Variants in ZNF385D observed in about 807,000 individuals in gnomAD.
ZNF385D encodes zinc finger protein 659.
In ZNF385D, 15 loss-of-function variants were observed where a neutral mutation model predicts 35.8. The observed-to-expected ratio is 0.42, with a 90% CI of 0.28 to 0.64. ZNF385D has a LOEUF of 0.64. ZNF385D is among the 30% of genes least tolerant of loss of function. ZNF385D has a pLI of 0.23. For synonymous variants in ZNF385D, 212 were observed against 186.8 expected, an observed-to-expected ratio of 1.13 and a Z score of -1.10; for missense variants, 474 against 494.6, an observed-to-expected ratio of 0.96 and a Z score of 0.39.
At chr3:21,932,486 A>C (rs1343552543) in intron 3 of ZNF385D, among the ~76,000 whole-genome samples, 2 of 151,962 alleles carry the variant, frequency 1.3e-5, no homozygotes, top group Admixed American at 1.3e-4. Flanking sequence ...ATCCCTCTAC[A>C]GAGCTTTTGA....
intron 3 of ZNF385D, among the ~76,000 whole-genome samples, chr3:21,918,240 A>G (rs1252804550): frequency 6.6e-6 from 1 of 152,220 alleles, no homozygotes; most frequent in Non-Finnish European, 1.5e-5. Context: ...CAGACAGTGG[A>G]TGAGTCTTAG....
chr3:22,250,854 T>C (rs1319026411), intron 2 of ZNF385D, among the ~76,000 whole-genome samples: 1 of 152,056 alleles, frequency 6.6e-6, no homozygotes, highest in African/African-American at 2.4e-5. Flanking sequence ...TAAATCCCTC[T>C]TGTCAAAAAT....
intron 3 of ZNF385D, among the ~76,000 whole-genome samples, chr3:21,791,168 C>T (rs989022056): frequency 6.6e-6 from 1 of 152,154 alleles, no homozygotes; most frequent in Non-Finnish European, 1.5e-5. Flanking sequence ...TGCATGTTTT[C>T]TGTCCTTTTC....
chr3:22,042,675 A>G lies in ZNF385D; in HGVS notation c.325+126142T>C, dbSNP rs530915140. On this transcript the variant is annotated intron_variant, in intron 3 of 5. Coordinates refer to the ZNF385D transcript ENST00000494108. ...CTTCTCTTCCAAGTTGCACTCCTCT[A>G]AAGGATCAAAAGTCTGAGTCTTCTC... 2.0e-4 allele frequency among the ~76,000 whole-genome samples: 30 copies of G among 152,268 alleles called. No individual in the cohort carries two copies. In the South Asian group the frequency reaches 6.2e-3, roughly 32 times the overall value.
chr3:22,000,889 A>G (rs1272282053), intron 3 of ZNF385D, among the ~76,000 whole-genome samples: 1 of 135,256 alleles, frequency 7.4e-6, no homozygotes, highest in Non-Finnish European at 1.5e-5. Flanking sequence ...GTCCTACAAG[A>G]AATATTTAAG....
At chr3:21,835,217 GA>G (rs149579941) in intron 3 of ZNF385D, among the ~76,000 whole-genome samples, 37,211 of 150,804 alleles carry the variant, frequency 0.25, 4,948 homozygotes, top group Admixed American at 0.3. Context: ...AAGAAGGAAA[GA>G]AAAAAACTAG....
In ZNF385D at chr3:21,726,616, A is replaced by G. The variant is rs532586741; in HGVS notation, c.22+24279T>C. Among the ~76,000 whole-genome samples, 81 of 152,332 alleles carry G rather than the reference A, an allele frequency of 5.3e-4. 1 individual carries two copies. The highest frequency in any genetic ancestry group is 1.0e-3 in the South Asian group (5 of 4,832). ...AAAATACCTAGGAATACGACTTACA[A>G]GGGATACGAAGGACCTCTTCAAGAA... is the stretch of plus-strand genomic sequence containing the variant. On this transcript the variant is annotated intron_variant, in intron 1 of 7. Transcript: ENST00000281523.
chr3:22,035,180 A>C (rs1698240766), intron 3 of ZNF385D, among the ~76,000 whole-genome samples: 1 of 152,220 alleles, frequency 6.6e-6, no homozygotes, highest in Admixed American at 6.5e-5. Flanking sequence ...TGTATCATTT[A>C]GTTTGATCGC....
At chr3:21,480,483 A>C (rs758809950) in intron 4 of ZNF385D, among the ~76,000 whole-genome samples, 1 of 152,034 alleles carries the variant, frequency 6.6e-6, no homozygotes, top group Non-Finnish European at 1.5e-5. Context: ...ATTTGGCAGT[A>C]AGGGTAAGGC....
At chr3:21,758,545 C>A (rs1437870202) in intron 3 of ZNF385D, among the ~76,000 whole-genome samples, 3 of 152,052 alleles carry the variant, frequency 2.0e-5, no homozygotes, top group Non-Finnish European at 4.4e-5. Flanking sequence ...GGTGAGGAAC[C>A]TAATATGGGA....
chr3:21,795,209 G>C (rs1015596698), intron 3 of ZNF385D, among the ~76,000 whole-genome samples: 34 of 152,212 alleles, frequency 2.2e-4, no homozygotes, highest in Admixed American at 2.0e-4. Flanking sequence ...CAGTGTGAAT[G>C]GAAAAGCCAT....
chr3:22,256,471 G>C (rs1221302367), intron 2 of ZNF385D, among the ~76,000 whole-genome samples: 1 of 151,572 alleles, frequency 6.6e-6, no homozygotes, highest in Non-Finnish European at 1.5e-5. Flanking sequence ...CCTGCCTACA[G>C]AGTCATCTTT....
At chr3:21,686,428 A>G (rs1320173882) in intron 1 of ZNF385D, among the ~76,000 whole-genome samples, 1 of 152,246 alleles carries the variant, frequency 6.6e-6, no homozygotes, top group East Asian at 1.9e-4. Context: ...ATCAGTGTAT[A>G]GAGCAATACT....
chr3:21,864,274 C>T (rs1697214072), intron 3 of ZNF385D, among the ~76,000 whole-genome samples: 1 of 152,116 alleles, frequency 6.6e-6, no homozygotes, highest in Non-Finnish European at 1.5e-5. Flanking sequence ...AGTCTGATAG[C>T]TTAACCAGGT....
intron 3 of ZNF385D, among the ~76,000 whole-genome samples, chr3:22,012,613 G>A (rs1419492680): frequency 6.6e-6 from 1 of 152,030 alleles, no homozygotes; most frequent in Non-Finnish European, 1.5e-5. Flanking sequence ...TAACTAATGA[G>A]ATAGGAATGT....
intron 2 of ZNF385D, among the ~76,000 whole-genome samples, chr3:22,223,226 T>C (rs1338044012): frequency 6.6e-6 from 1 of 152,260 alleles, no homozygotes; most frequent in Middle Eastern, 3.4e-3. Context: ...AGAAAGCCAA[T>C]GAAAAAGAAA....
chr3:22,279,995 T>C (rs1701654417), intron 2 of ZNF385D, among the ~76,000 whole-genome samples: 1 of 152,088 alleles, frequency 6.6e-6, no homozygotes, highest in Admixed American at 6.6e-5. Context: ...CATAAGGTTG[T>C]ATTGCCTTGT....
chr3:21,832,667 G>A (rs543772055), intron 3 of ZNF385D, among the ~76,000 whole-genome samples: 19 of 152,150 alleles, frequency 1.2e-4, no homozygotes, highest in Non-Finnish European at 1.8e-4. Context: ...GACAAAACGG[G>A]CTGAATGGTA....
intron 2 of ZNF385D, among the ~76,000 whole-genome samples, chr3:22,321,522 C>T (rs143092474): frequency 2.5e-4 from 38 of 151,900 alleles, no homozygotes; most frequent in Middle Eastern, 3.4e-3. Context: ...CCCGCCACCA[C>T]GCCCGGCTAA....
Sources: gnomAD v4.1 joint callset for allele counts (sites outside exome capture counted in the v4.1 genomes callset) on GRCh38, gnomAD v4.1.1 for gene constraint, MANE v1.5 for transcripts, NCBI Gene and HGNC (gene_info 2026-07-23, HGNC 2026-07-21) for gene names.